The following LARGE1 variants were observed in gnomAD, a reference collection of about 807,000 sequenced individuals.
LARGE1 encodes LARGE xylosyl- and glucuronyltransferase 1.
A neutral mutation model predicts 87.6 loss-of-function variants in LARGE1; 43 were observed. That is an observed-to-expected ratio of 0.49 (90% confidence interval 0.38 to 0.63). The LOEUF (loss-of-function observed/expected upper bound fraction) is 0.63, where lower values mean the gene tolerates loss of function less well. LARGE1 is among the 30% of genes least tolerant of loss of function. The pLI is 0.00. For synonymous variants in LARGE1, 434 were observed against 394.6 expected, an observed-to-expected ratio of 1.10 and a Z score of -1.18; for missense variants, 802 against 1,000.2, an observed-to-expected ratio of 0.80 and a Z score of 2.67.
rs1269437440 is a variant in LARGE1 at position 33,277,109 on chromosome 22, A to G, written c.2024T>C (p.Val675Ala). 3 of 1,614,120 alleles carry G rather than the reference A, an allele frequency of 1.9e-6. No homozygotes were observed. The highest frequency in any genetic ancestry group is 2.5e-6 in the Non-Finnish European group (3 of 1,180,044). Residue 675 changes from valine (V) to alanine (A), a missense_variant, in exon 14 of 15, where the codon GTA (valine) becomes GCA (alanine). By Grantham distance (64) the Val-to-Ala change is moderately conservative (BLOSUM62 0). Transcript: ENST00000397394. ...RDCPEYDRRF[V>A]GFGWNKVAHI... ...AGCCACTTTGTTCCAGCCAAAGCCTACAAACCTCCGGTCGTACTCCGGGCA... is the reference window on the plus strand; with the variant it reads ...AGCCACTTTGTTCCAGCCAAAGCCTGCAAACCTCCGGTCGTACTCCGGGCA...
chr22:33,316,391 C>T, intron 10 of LARGE1, 143 bp from the exon 11 acceptor site: 2 of 704,248 alleles, frequency 2.8e-6, no homozygotes, highest in Non-Finnish European at 2.4e-6. Flanking sequence ...GAAGGGATCA[C>T]CACTTTTATT....
intron 5 of LARGE1, among the ~76,000 whole-genome samples, chr22:33,578,212 T>C (rs532451682): frequency 5.9e-5 from 9 of 152,310 alleles, no homozygotes; most frequent in African/African-American, 1.4e-4. Flanking sequence ...GAATTTATCA[T>C]ACATGAGAAT....
chr22:33,916,098 T>C (rs1345073934), intron 1 of LARGE1, among the ~76,000 whole-genome samples: 1 of 151,914 alleles, frequency 6.6e-6, no homozygotes, highest in African/African-American at 2.4e-5. Flanking sequence ...CTGGCGAAGA[T>C]GGTGAAACCC....
chr22:33,089,371 C>CTTCTTCTTCTCCTCCTT, the LARGE1 span, among the ~76,000 whole-genome samples: 8 of 76,042 alleles, frequency 1.1e-4, no homozygotes, highest in Non-Finnish European at 2.0e-4. Flanking sequence ...TTCTTCTTCT[C>CTTCTTCTTCTCCTCCTT]CTTCTTCTTC....
intron 2 of LARGE1, among the ~76,000 whole-genome samples, chr22:33,661,318 C>T (rs577161707): frequency 5.3e-5 from 8 of 151,406 alleles, no homozygotes; most frequent in Admixed American, 1.3e-4. Context: ...CAGGTTCAAG[C>T]GATTCCCTTG....
intron 1 of LARGE1, among the ~76,000 whole-genome samples, chr22:33,794,220 G>C (rs997184097): frequency 6.6e-6 from 1 of 152,158 alleles, no homozygotes. Flanking sequence ...TGCTGGTGGA[G>C]ACTGTGCAGC....
intron 1 of LARGE1, among the ~76,000 whole-genome samples, chr22:33,784,893 A>G (rs1009989999): frequency 2.6e-4 from 38 of 143,890 alleles, no homozygotes; most frequent in Admixed American, 2.6e-3. Flanking sequence ...TGTACAGTAT[A>G]TATACTGTAT....
At chr22:33,174,173 C>A (rs1425062121) in intron 11 of LARGE1, among the ~76,000 whole-genome samples, 1 of 152,134 alleles carries the variant, frequency 6.6e-6, no homozygotes, top group African/African-American at 2.4e-5. Flanking sequence ...AATTAGAACT[C>A]AGGATTAAGA....
At chr22:33,451,803 C>A (rs905742237) in intron 6 of LARGE1, among the ~76,000 whole-genome samples, 1 of 152,096 alleles carries the variant, frequency 6.6e-6, no homozygotes, top group Non-Finnish European at 1.5e-5. Flanking sequence ...GTGATCCACC[C>A]GCCTCGGCCT....
chr22:33,551,300 G>T (rs1205578172), intron 6 of LARGE1, among the ~76,000 whole-genome samples: 2 of 152,198 alleles, frequency 1.3e-5, no homozygotes, highest in Admixed American at 6.5e-5. Context: ...GTGATGAGCA[G>T]GCCACTGTGC....
chr22:33,280,243 T>C (rs1445409067), intron 13 of LARGE1, among the ~76,000 whole-genome samples: 22 of 144,578 alleles, frequency 1.5e-4, no homozygotes, highest in Non-Finnish European at 2.4e-4. Context: ...ATCTACTTCA[T>C]AGATTTATGA....
intron 11 of LARGE1, among the ~76,000 whole-genome samples, chr22:33,188,008 G>A (rs1319676283): frequency 6.9e-6 from 1 of 144,858 alleles, no homozygotes; most frequent in Non-Finnish European, 1.5e-5. Flanking sequence ...AAAATAGTGT[G>A]TGCGGTAATG....
At chr22:33,105,159 C>T in the LARGE1 span, among the ~76,000 whole-genome samples, 1,173 of 146,222 alleles carry the variant, frequency 8.0e-3, 16 homozygotes, top group African/African-American at 0.028. Context: ...CACCAAGCCC[C>T]GCTATTTTTT....
At chr22:33,118,226 T>TA in the LARGE1 span, among the ~76,000 whole-genome samples, 8 of 152,270 alleles carry the variant, frequency 5.3e-5, no homozygotes, top group Non-Finnish European at 1.0e-4. Context: ...CTCATGCCTA[T>TA]AATTCCAGCA....
rs754375485 is a variant in LARGE1, at chr22:33,513,491, T to C, written c.787+51357A>G. ...CCAGGGTCCTGAATCTTACAAATGG[T>C]ATCCAGAATGATGGAGACCAGCAGA... On this transcript the variant is annotated intron_variant, in intron 6 of 14. Coordinates refer to ENST00000397394, the MANE Select transcript of LARGE1 (RefSeq NM_133642.5). Among the ~76,000 whole-genome samples, 26 of 152,138 alleles carry C rather than the reference T, an allele frequency of 1.7e-4. 1 individual carries two copies. The highest frequency in any genetic ancestry group is 3.1e-4 in the Non-Finnish European group (21 of 68,000).
At chr22:33,648,435 GC>G (rs1445771246) in intron 3 of LARGE1, among the ~76,000 whole-genome samples, 2 of 151,798 alleles carry the variant, frequency 1.3e-5, no homozygotes, top group African/African-American at 4.8e-5. Flanking sequence ...GTGTAAATAC[GC>G]TTGGAGAAAA....
intron 11 of LARGE1, among the ~76,000 whole-genome samples, chr22:33,248,009 C>T (rs1438904632): frequency 6.6e-6 from 1 of 152,192 alleles, no homozygotes; most frequent in African/African-American, 2.4e-5. Flanking sequence ...ATAGTACTCA[C>T]TCTTGCCATT....
At chr22:33,173,879 C>A (rs1922714918) in intron 11 of LARGE1, among the ~76,000 whole-genome samples, 1 of 152,120 alleles carries the variant, frequency 6.6e-6, no homozygotes, top group African/African-American at 2.4e-5. Flanking sequence ...TAGACTCCCA[C>A]ACAATAATAA....
In LARGE1 at chr22:33,236,043, T is replaced by A. The variant is rs922220952; in HGVS notation, c.1730+68186A>T. Reference sequence around the variant, plus strand: ...ATGTGATGATGGAGGCAGAGACGAGTGATGCAACTTTAAGTCGAGGAACAC... The same window carrying A: ...ATGTGATGATGGAGGCAGAGACGAGAGATGCAACTTTAAGTCGAGGAACAC... On this transcript the variant is annotated intron_variant, in intron 11 of 11. Transcript: ENST00000608642. Among the ~76,000 whole-genome samples, 9 of 151,998 alleles carry A rather than the reference T, an allele frequency of 5.9e-5. No individual in the cohort carries two copies. The East Asian group carries it at 9.7e-4, about 16-fold the overall frequency.
Sources: gnomAD v4.1 joint callset for allele counts (sites outside exome capture counted in the v4.1 genomes callset) on GRCh38, gnomAD v4.1.1 for gene constraint, MANE v1.5 for transcripts, NCBI Gene and HGNC (gene_info 2026-07-23, HGNC 2026-07-21) for gene names.